Variants in POLN observed in about 807,000 individuals in gnomAD.
POLN encodes the protein DNA polymerase N.
A neutral mutation model predicts 113.5 loss-of-function variants in POLN; 108 were observed. That is an observed-to-expected ratio of 0.95 (90% CI 0.81 to 1.12). POLN has a LOEUF of 1.12. Among genes scored for constraint, POLN ranks in the 50% most tolerant of loss-of-function variants. POLN has a pLI of 0.00. For synonymous variants in POLN, 386 were observed against 391.5 expected (o/e 0.99, Z 0.17); for missense variants, 1,097 against 1,077.1 (o/e 1.02, Z -0.26).
intron 8 of POLN, among the ~76,000 whole-genome samples, 193 bp from the exon 9 acceptor site, chr4:2,176,527 T>C (rs1461071792): frequency 6.6e-6 from 1 of 152,236 alleles, no homozygotes; most frequent in Non-Finnish European, 1.5e-5. Flanking sequence ...AAAGTGCTTC[T>C]ACTGCGCAAG....
intron 19 of POLN, among the ~76,000 whole-genome samples, chr4:2,100,391 C>T (rs1241459010): frequency 2.2e-4 from 33 of 152,136 alleles, no homozygotes; most frequent in Admixed American, 2.2e-3. Flanking sequence ...GGACCACACT[C>T]ACAATAGCAA....
At chr4:2,075,741 G>C (rs1224937833) in intron 23 of POLN, among the ~76,000 whole-genome samples, 2 of 152,234 alleles carry the variant, frequency 1.3e-5, no homozygotes, top group Non-Finnish European at 2.9e-5. Flanking sequence ...ACCACTGCTT[G>C]AGGTCACCCA....
chr4:2,162,465 G>A (rs758209439), intron 13 of POLN, among the ~76,000 whole-genome samples: 15 of 152,108 alleles, frequency 9.9e-5, no homozygotes, highest in South Asian at 2.1e-4. Flanking sequence ...GAGGGTCTGC[G>A]GCTTCATTCT....
At chr4:2,131,426 CTTAATA>C in intron 16 of POLN, 136 bp from the exon 17 acceptor site, 1 of 557,074 alleles carries the variant, frequency 1.8e-6, no homozygotes, top group Non-Finnish European at 3.1e-6. Context: ...CACATTAATA[CTTAATA>C]CAGTTGTCTA....
At chr4:2,140,447 A>G (rs993551823) in intron 16 of POLN, among the ~76,000 whole-genome samples, 3 of 152,326 alleles carry the variant, frequency 2.0e-5, no homozygotes, top group African/African-American at 7.2e-5. Flanking sequence ...CTGTAGGAAT[A>G]AAATAATTTG....
chr4:2,081,531 G>A (rs1024723373), intron 22 of POLN, 102 bp downstream of exon 22: 2 of 1,140,074 alleles, frequency 1.8e-6, no homozygotes, highest in African/African-American at 1.5e-5. Flanking sequence ...GTGATGAGCA[G>A]GAAATACCGC....
At chr4:2,186,532 T>G in intron 7 of POLN, among the ~76,000 whole-genome samples, 1 of 152,164 alleles carries the variant, frequency 6.6e-6, no homozygotes, top group East Asian at 1.9e-4. Context: ...GAGGCACACC[T>G]GGGCTTAAGG....
chr4:2,109,091 T>G (rs1342117130), intron 19 of POLN, among the ~76,000 whole-genome samples: 3 of 152,194 alleles, frequency 2.0e-5, no homozygotes, highest in Non-Finnish European at 4.4e-5. Context: ...ATAGAAATTT[T>G]GGAAGGAATT....
chr4:2,090,985 T>C (rs1730649742), intron 20 of POLN, among the ~76,000 whole-genome samples: 1 of 152,198 alleles, frequency 6.6e-6, no homozygotes, highest in African/African-American at 2.4e-5. Flanking sequence ...GCTAGTAGGA[T>C]TGTATGTTCT....
In POLN at chr4:2,132,949, T is replaced by C. The variant is rs186815971; in HGVS notation, c.1732-1659A>G. 6.4e-4 allele frequency among the ~76,000 whole-genome samples: 98 copies of C among 152,314 alleles called. 1 individual carries two copies. The highest frequency in any genetic ancestry group is 3.4e-3 in the Middle Eastern group (1 of 294). On this transcript the variant is annotated intron_variant, in intron 16 of 25. Transcript: ENST00000511885. ...GGGTAAATATAATAAATCAGCTTTT[T>C]TGAGTTCAATGGCTTTTGTAAGCCT...
chr4:2,186,266 T>C (rs560019238), intron 7 of POLN, among the ~76,000 whole-genome samples: 7 of 152,276 alleles, frequency 4.6e-5, no homozygotes, highest in African/African-American at 1.4e-4. Flanking sequence ...GGAAGCATCA[T>C]GAGTGTCTGA....
intron 3 of POLN, among the ~76,000 whole-genome samples, chr4:2,218,277 CAA>C (rs376746658): frequency 4.1e-4 from 37 of 89,738 alleles, no homozygotes; most frequent in Admixed American, 4.6e-4. Flanking sequence ...ACTAAAAATA[CAA>C]AAAAAAAAAA....
At chr4:2,087,301 T>G (rs1165247797) in intron 20 of POLN, among the ~76,000 whole-genome samples, 1 of 152,244 alleles carries the variant, frequency 6.6e-6, no homozygotes, top group Non-Finnish European at 1.5e-5. Context: ...GCTGAAATAA[T>G]TCATCTATGA....
chr4:2,111,693 GGA>G (rs1731198065), intron 19 of POLN, among the ~76,000 whole-genome samples: 1 of 152,136 alleles, frequency 6.6e-6, no homozygotes, highest in African/African-American at 2.4e-5. Flanking sequence ...GGGATGTGAA[GGA>G]CCTCTTCAAG....
At chr4:2,109,631 T>C (rs1263787443) in intron 19 of POLN, among the ~76,000 whole-genome samples, 1 of 152,164 alleles carries the variant, frequency 6.6e-6, no homozygotes, top group African/African-American at 2.4e-5. Context: ...CATTATGAAA[T>C]GTCCCTTTTT....
At chr4:2,218,753 T>A (rs1372364605) in intron 3 of POLN, among the ~76,000 whole-genome samples, 1 of 152,206 alleles carries the variant, frequency 6.6e-6, no homozygotes, top group African/African-American at 2.4e-5. Context: ...AATCAATAAT[T>A]GCATTTCATA....
At chr4:2,227,111 C>T (rs1030010756) in intron 3 of POLN, among the ~76,000 whole-genome samples, 4 of 152,206 alleles carry the variant, frequency 2.6e-5, no homozygotes, top group African/African-American at 9.7e-5. Flanking sequence ...TTCTAACCAA[C>T]AGAACACACC....
In POLN at chr4:2,115,231, T is replaced by A. The variant is rs1208342853; in HGVS notation, c.1982+12882A>T. Reference sequence around the variant, plus strand: ...AGCTATATATATATATATATATATTTTTTTTTTTGTAGTTTTAGTAGAGAT... The same window carrying A: ...AGCTATATATATATATATATATATTATTTTTTTTGTAGTTTTAGTAGAGAT... On this transcript the variant is annotated intron_variant, in intron 19 of 25. Transcript: ENST00000511885. Among the ~76,000 whole-genome samples, 120 of 147,412 alleles carry A rather than the reference T, an allele frequency of 8.1e-4. 1 individual carries two copies. Among genetic ancestry groups the A allele is most frequent in the African/African-American group, 2.5e-3 (102 of 40,554 alleles).
chr4:2,087,877 G>C (rs1730585676), intron 20 of POLN, among the ~76,000 whole-genome samples: 1 of 152,000 alleles, frequency 6.6e-6, no homozygotes, highest in African/African-American at 2.4e-5. Context: ...GTGTTACCCA[G>C]GCTGGAGGGC....
Sources: gnomAD v4.1 joint callset for allele counts (sites outside exome capture counted in the v4.1 genomes callset) on GRCh38, gnomAD v4.1.1 for gene constraint, MANE v1.5 for transcripts, NCBI Gene and HGNC (gene_info 2026-07-23, HGNC 2026-07-21) for gene names.